EYS: variants seen among roughly 807,000 people sequenced by gnomAD.
EYS encodes the protein EGF-like photoreceptor maintenance factor.
EYS carries 250 observed loss-of-function variants against 282.1 expected under a neutral mutation model. The observed-to-expected ratio is 0.89, with a 90% CI of 0.80 to 0.98. The LOEUF (loss-of-function observed/expected upper bound fraction) is 0.98, where lower values mean the gene tolerates loss of function less well. EYS is among the 50% of genes least tolerant of loss of function. The pLI, the probability that EYS is intolerant of heterozygous loss-of-function variation, is 0.00. For missense variants in EYS, 4,016 were observed against 3,709.0 expected (o/e 1.08, Z -2.15); for synonymous variants, 1,355 against 1,282.9 (o/e 1.06, Z -1.20).
chr6:64,721,258 C>T (rs1407263772), intron 22 of EYS, among the ~76,000 whole-genome samples: 1 of 152,048 alleles, frequency 6.6e-6, no homozygotes, highest in African/African-American at 2.4e-5. Flanking sequence ...AATGATAGTG[C>T]TACAGGAGAG....
chr6:64,746,261 G>T (rs1469994160), intron 22 of EYS, among the ~76,000 whole-genome samples: 2 of 151,952 alleles, frequency 1.3e-5, no homozygotes, highest in African/African-American at 4.8e-5. Context: ...ATCCTCATAA[G>T]TGGATTAATT....
chr6:64,795,405 ACACCATTCTTG>A (rs958818470), intron 22 of EYS, among the ~76,000 whole-genome samples: 71 of 152,210 alleles, frequency 4.7e-4, no homozygotes, highest in African/African-American at 1.7e-3. Context: ...GAGAGAAGGA[ACACCATTCTTG>A]GTTGGACAAA....
At chr6:65,394,057 G>T (rs531070793) in intron 7 of EYS, among the ~76,000 whole-genome samples, 18 of 152,106 alleles carry the variant, frequency 1.2e-4, no homozygotes, top group African/African-American at 3.6e-4. Flanking sequence ...TTAAATAGTT[G>T]ATTTTCAGAC....
intron 12 of EYS, among the ~76,000 whole-genome samples, chr6:65,234,422 A>G (rs1408097047): frequency 6.6e-6 from 1 of 152,290 alleles, no homozygotes; most frequent in South Asian, 2.1e-4. Flanking sequence ...GCTATCCCTG[A>G]GGAGGAACTT....
intron 12 of EYS, among the ~76,000 whole-genome samples, chr6:65,240,651 A>T (rs1440280486): frequency 6.6e-6 from 1 of 152,180 alleles, no homozygotes. Context: ...ATTCTGTGGT[A>T]TATATCACCA....
intron 29 of EYS, among the ~76,000 whole-genome samples, chr6:64,357,542 A>G (rs1280666985): frequency 6.6e-6 from 1 of 151,436 alleles, no homozygotes; most frequent in Non-Finnish European, 1.5e-5. Flanking sequence ...CCCTTTTTCT[A>G]CTTTTGAAGC....
rs137890679 is a variant in EYS at position 63,990,674 on chromosome 6, C to T, written c.6835-6071G>A. On this transcript the variant is annotated intron_variant, in intron 34 of 42. Coordinates refer to ENST00000503581, the MANE Select transcript of EYS (RefSeq NM_001142800.2). ...AGAAAATTCTCACCTTCCAGTTTCT[C>T]ACTAGGGAGGTAAAGAATGAGGGCA... Among the ~76,000 whole-genome samples, 575 of 151,734 alleles carry T rather than the reference C, an allele frequency of 3.8e-3. 4 individuals carry two copies. The highest frequency in any genetic ancestry group is 0.013 in the African/African-American group (538 of 41,458).
In EYS at chr6:64,270,383, G is replaced by A. The variant is rs543082011; in HGVS notation, c.6191+36587C>T. ...GATAATGATGAAGATTGCCGGGGGT[G>A]GGGGGAATGGGCAATTTCTCCTTCT... On this transcript the variant is annotated intron_variant, in intron 30 of 42. Transcript: ENST00000503581. Among the ~76,000 whole-genome samples, 8 of 151,976 alleles carry A rather than the reference G, an allele frequency of 5.3e-5. No homozygotes were observed. The South Asian group carries it at 1.2e-3, about 24-fold the overall frequency.
intron 22 of EYS, among the ~76,000 whole-genome samples, chr6:64,806,912 T>C (rs1316294877): frequency 2.0e-5 from 3 of 152,150 alleles, no homozygotes; most frequent in African/African-American, 7.2e-5. Flanking sequence ...CTAAATTCTG[T>C]GTAATCTACA....
At chr6:64,593,958 A>G (rs1228614566) in intron 24 of EYS, among the ~76,000 whole-genome samples, 2 of 152,190 alleles carry the variant, frequency 1.3e-5, no homozygotes, top group Non-Finnish European at 2.9e-5. Flanking sequence ...AAGTTATACT[A>G]TATGAATCAT....
At chr6:64,971,054 C>T (rs1274065527) in intron 14 of EYS, among the ~76,000 whole-genome samples, 1 of 152,038 alleles carries the variant, frequency 6.6e-6, no homozygotes, top group Admixed American at 6.6e-5. Flanking sequence ...CAAGAAAAAG[C>T]AAAATCATTA....
intron 12 of EYS, among the ~76,000 whole-genome samples, chr6:65,098,411 A>G (rs377739241): frequency 6.6e-6 from 1 of 150,802 alleles, no homozygotes; most frequent in African/African-American, 2.4e-5. Flanking sequence ...AATGACTTAT[A>G]AAAGAAGATT....
chr6:63,780,121 C>A (rs1770177001), intron 39 of EYS, among the ~76,000 whole-genome samples: 1 of 152,112 alleles, frequency 6.6e-6, no homozygotes, highest in Non-Finnish European at 1.5e-5. Flanking sequence ...TGTATATGTG[C>A]CACATTTTCT....
chr6:63,800,678 G>A (rs1011595053), intron 37 of EYS, among the ~76,000 whole-genome samples: 1 of 152,118 alleles, frequency 6.6e-6, no homozygotes, highest in Admixed American at 6.5e-5. Flanking sequence ...GGTGGTGGGT[G>A]CCTGTAATCC....
chr6:63,873,514 G>A (rs952838981), intron 35 of EYS, among the ~76,000 whole-genome samples: 13 of 152,084 alleles, frequency 8.5e-5, no homozygotes, highest in Admixed American at 5.9e-4. Flanking sequence ...TTGGATATAT[G>A]CCCAGTAATG....
chr6:64,114,393 G>A (rs114189896), intron 31 of EYS, among the ~76,000 whole-genome samples: 3,630 of 152,226 alleles, frequency 0.024, 125 homozygotes, highest in African/African-American at 0.082. Flanking sequence ...AGGTGGTAGA[G>A]TAGAAGACTC....
intron 2 of EYS, among the ~76,000 whole-genome samples, chr6:65,608,352 T>C (rs772845463): frequency 2.8e-4 from 42 of 152,032 alleles, no homozygotes; most frequent in Middle Eastern, 3.2e-3. Context: ...GTACACTGTA[T>C]AGGGCACTTG....
chr6:64,795,476 C>CAGTAT (rs1408897407), intron 22 of EYS, among the ~76,000 whole-genome samples: 1 of 152,062 alleles, frequency 6.6e-6, no homozygotes, highest in African/African-American at 2.4e-5. Flanking sequence ...ACATATCATG[C>CAGTAT]CACATTTTTA....
chr6:64,607,202 A>T (rs1249974061), intron 24 of EYS, among the ~76,000 whole-genome samples: 1 of 152,032 alleles, frequency 6.6e-6, no homozygotes, highest in Non-Finnish European at 1.5e-5. Context: ...CCAGAATTTA[A>T]TTATTTCTAG....
Sources: gnomAD v4.1 joint callset for allele counts (sites outside exome capture counted in the v4.1 genomes callset) on GRCh38, gnomAD v4.1.1 for gene constraint, MANE v1.5 for transcripts, NCBI Gene and HGNC (gene_info 2026-07-23, HGNC 2026-07-21) for gene names.